The following MYO18B variants were observed in gnomAD, a reference collection of about 807,000 sequenced individuals.
MYO18B encodes myosin XVIIIB.
A neutral mutation model predicts 273.0 loss-of-function variants in MYO18B; 204 were observed. The ratio of observed to expected loss-of-function variants is 0.75; its 90% CI spans 0.67 to 0.84. The LOEUF (loss-of-function observed/expected upper bound fraction) is 0.84. Among genes scored for constraint, MYO18B ranks in the 40% least tolerant of loss-of-function variants. MYO18B has a pLI of 0.00. For missense variants in MYO18B, 3,212 were observed against 3,287.6 expected, an observed-to-expected ratio of 0.98 and a Z score of 0.56; for synonymous variants, 1,330 against 1,305.7, an observed-to-expected ratio of 1.02 and a Z score of -0.40.
intron 18 of MYO18B, among the ~76,000 whole-genome samples, chr22:25,844,946 A>G (rs1367751763): frequency 6.6e-6 from 1 of 152,210 alleles, no homozygotes; most frequent in Non-Finnish European, 1.5e-5. Flanking sequence ...TTCCTGTACC[A>G]TAAATAAGAG....
chr22:25,996,917 T>G (rs1933313884), intron 40 of MYO18B, among the ~76,000 whole-genome samples: 1 of 152,176 alleles, frequency 6.6e-6, no homozygotes, highest in Non-Finnish European at 1.5e-5. Context: ...CCTACCTTTC[T>G]TCTCCTCTGA....
intron 19 of MYO18B, 118 bp downstream of exon 19, chr22:25,846,401 A>ACACTCGCCCCTCTG: frequency 8.9e-7 from 1 of 1,124,352 alleles, no homozygotes; most frequent in Non-Finnish European, 1.3e-6. Context: ...CAGAGGGGCG[A>ACACTCGCCCCTCTG]GTGTCACCCC....
At chr22:25,880,106 C>T (rs751078463) in intron 25 of MYO18B, among the ~76,000 whole-genome samples, 1 of 152,086 alleles carries the variant, frequency 6.6e-6, no homozygotes, top group Non-Finnish European at 1.5e-5. Flanking sequence ...ACGGCTAGAC[C>T]AAAGAGGAGC....
intron 36 of MYO18B, among the ~76,000 whole-genome samples, chr22:25,949,839 A>G (rs1477932038): frequency 6.6e-6 from 1 of 152,238 alleles, no homozygotes; most frequent in African/African-American, 2.4e-5. Context: ...TCCTCTCTTC[A>G]GAGGTAATGA....
At chr22:25,817,392 TC>T (rs200497135) in intron 12 of MYO18B, among the ~76,000 whole-genome samples, 4,789 of 132,254 alleles carry the variant, frequency 0.036, 250 homozygotes, top group East Asian at 0.16. Context: ...CCTCCCTCCC[TC>T]CCTTCCTTCC....
At chr22:25,926,940 T>C (rs1303133152) in intron 34 of MYO18B, among the ~76,000 whole-genome samples, 1 of 152,212 alleles carries the variant, frequency 6.6e-6, no homozygotes, top group Admixed American at 6.5e-5. Flanking sequence ...TGCCTGTCTT[T>C]ATTGCAGTCT....
Position 25,898,542 on chromosome 22 carries a change from T to C in MYO18B, c.4823+81T>C, listed in dbSNP as rs1023943838. On this transcript the variant is annotated intron_variant, in intron 29 of 43. Transcript: ENST00000335473. ...GGCGTTTTCTGGGGTATCCAGGTTCTCCTAACTCCCTCACTTCAACTCCCT... is the reference window on the plus strand; with the variant it reads ...GGCGTTTTCTGGGGTATCCAGGTTCCCCTAACTCCCTCACTTCAACTCCCT... 16 of 1,483,874 alleles carry C rather than the reference T, an allele frequency of 1.1e-5. No homozygotes were observed. The African/African-American group carries it at 1.4e-4, about 13-fold the overall frequency. The allele number at this position is 1,483,874 out of a possible 1,614,324, so 91.9% of individuals were successfully genotyped here. A position where few individuals can be genotyped will look rare whatever the true frequency, so the allele number is the denominator to read the frequency against.
At chr22:26,055,880 A>G in the MYO18B span, among the ~76,000 whole-genome samples, 2 of 152,214 alleles carry the variant, frequency 1.3e-5, no homozygotes, top group Non-Finnish European at 2.9e-5. Flanking sequence ...ACTGGCTTGA[A>G]GATGCAGAAA....
intron 34 of MYO18B, among the ~76,000 whole-genome samples, chr22:25,939,203 G>C (rs2092615457): frequency 6.6e-6 from 1 of 152,148 alleles, no homozygotes; most frequent in Non-Finnish European, 1.5e-5. Flanking sequence ...CTGGGTTTTG[G>C]GTGGTAACCC....
At chr22:26,018,166 G>A (rs1245878278) in intron 42 of MYO18B, among the ~76,000 whole-genome samples, 1 of 152,034 alleles carries the variant, frequency 6.6e-6, no homozygotes, top group Non-Finnish European at 1.5e-5. Flanking sequence ...CGATGGATTG[G>A]TTTGTAAAAT....
chr22:25,817,935 C>G (rs2089109218), intron 12 of MYO18B, among the ~76,000 whole-genome samples: 1 of 152,188 alleles, frequency 6.6e-6, no homozygotes, highest in Admixed American at 6.5e-5. Context: ...TGCTTCACAC[C>G]CATTCTCCAG....
chr22:26,043,495 T>C, the MYO18B span, among the ~76,000 whole-genome samples: 2 of 149,800 alleles, frequency 1.3e-5, no homozygotes, highest in African/African-American at 5.0e-5. Flanking sequence ...TGTTTTCTTC[T>C]TCCTTTTTTT....
At position 25,989,626 on chromosome 22, in the gene MYO18B, CAAAAAAAAA is replaced by C. The variant is rs56004208; in HGVS notation, c.6157-2719_6157-2711del. Reference sequence around the variant, plus strand: ...TGAAACCCTGTCTCTACTAAAAATACAAAAAAAAAAAAAAAAAAAAAAAAAAGCCAGCGT... The same window carrying C: ...TGAAACCCTGTCTCTACTAAAAATACAAAAAAAAAAAAAAAAAGCCAGCGT... On this transcript the variant is annotated intron_variant, in intron 39 of 43. Transcript: ENST00000335473. Among the ~76,000 whole-genome samples, 1,578 of 88,606 alleles carry C rather than the reference CAAAAAAAAA, an allele frequency of 0.018. 49 individuals are homozygous for C. The East Asian group carries it at 0.25, about 14-fold the overall frequency. The allele number at this position is 88,606 out of a possible 152,430, so 58.1% of individuals were successfully genotyped here.
chr22:25,822,700 G>A (rs546334342), intron 12 of MYO18B, among the ~76,000 whole-genome samples: 18 of 152,328 alleles, frequency 1.2e-4, no homozygotes, highest in East Asian at 7.7e-4. Context: ...CGGGAGTGCC[G>A]GCAGACTTGC....
intron 40 of MYO18B, among the ~76,000 whole-genome samples, chr22:25,998,862 C>T (rs1471684045): frequency 6.6e-6 from 1 of 152,116 alleles, no homozygotes; most frequent in East Asian, 1.9e-4. Context: ...GGCCTTAGTA[C>T]CATATAACAC....
At chr22:25,985,514 G>A (rs2093192153) in intron 39 of MYO18B, among the ~76,000 whole-genome samples, 1 of 152,070 alleles carries the variant, frequency 6.6e-6, no homozygotes, top group Non-Finnish European at 1.5e-5. Context: ...GTTTTCTTAG[G>A]GCCACTCCAA....
chr22:25,923,807 G>A (rs541226621), intron 34 of MYO18B, among the ~76,000 whole-genome samples: 1 of 152,222 alleles, frequency 6.6e-6, no homozygotes, highest in African/African-American at 2.4e-5. Flanking sequence ...CAGCACCCAA[G>A]CTTCCCTTCC....
intron 34 of MYO18B, among the ~76,000 whole-genome samples, chr22:25,938,663 C>A (rs3948759): frequency 0.27 from 40,425 of 152,108 alleles, 5,929 homozygotes; most frequent in Middle Eastern, 0.39. Flanking sequence ...CTTTCCCCCT[C>A]GATGAGTAAT....
At chr22:25,839,156 ATG>A (rs954482205) in intron 17 of MYO18B, among the ~76,000 whole-genome samples, 5 of 150,230 alleles carry the variant, frequency 3.3e-5, no homozygotes, top group South Asian at 2.1e-4. Context: ...GTGTGTATAT[ATG>A]TGTGTGCATG....
Sources: gnomAD v4.1 joint callset for allele counts (sites outside exome capture counted in the v4.1 genomes callset) on GRCh38, gnomAD v4.1.1 for gene constraint, MANE v1.5 for transcripts, NCBI Gene and HGNC (gene_info 2026-07-23, HGNC 2026-07-21) for gene names.